The following PCDHGA3 variants were observed in gnomAD, a reference collection of about 807,000 sequenced individuals.
The protein encoded by PCDHGA3 is protocadherin gamma-A3.
In PCDHGA3, 40 loss-of-function variants were observed where a neutral mutation model predicts 58.5. The observed-to-expected ratio is 0.68, with a 90% CI of 0.53 to 0.89. PCDHGA3 has a LOEUF of 0.89. Among genes scored for constraint, PCDHGA3 ranks in the 40% least tolerant of loss-of-function variants. The pLI, the probability that PCDHGA3 is intolerant of heterozygous loss-of-function variation, is 0.00. For synonymous variants in PCDHGA3, 530 were observed against 525.7 expected (o/e 1.01, Z -0.11); for missense variants, 1,223 against 1,195.9 (o/e 1.02, Z -0.33).
At chr5:141,399,977 T>C (rs1166854292) in intron 1 of PCDHGA3, 1 of 1,612,262 alleles carries the variant, frequency 6.2e-7, no homozygotes, top group African/African-American at 1.3e-5. Flanking sequence ...AGCCTGGGGC[T>C]GCGCACAGGA....
intron 1 of PCDHGA3, chr5:141,351,135 C>T (rs1376583429): frequency 1.2e-6 from 2 of 1,613,920 alleles, no homozygotes; most frequent in Admixed American, 1.7e-5. Flanking sequence ...AATCTCAATC[C>T]AAATACTGGC....
chr5:141,376,351 G>A (rs1333788917), intron 1 of PCDHGA3: 4 of 1,614,178 alleles, frequency 2.5e-6, no homozygotes, highest in Non-Finnish European at 3.4e-6. Context: ...ATTCCCACGA[G>A]GTCTCACTCA....
chr5:141,448,896 G>C (rs560617459), intron 1 of PCDHGA3, among the ~76,000 whole-genome samples: 5 of 152,302 alleles, frequency 3.3e-5, no homozygotes, highest in African/African-American at 1.2e-4. Context: ...AGTGAGCCGA[G>C]ATCGTGCCAC....
At chr5:141,369,597 A>G (rs1199462765) in intron 1 of PCDHGA3, among the ~76,000 whole-genome samples, 1 of 152,230 alleles carries the variant, frequency 6.6e-6, no homozygotes, top group Non-Finnish European at 1.5e-5. Context: ...CTATACTTCT[A>G]TTTTATAAGG....
chr5:141,348,044 A>C (rs549365991), intron 1 of PCDHGA3, among the ~76,000 whole-genome samples: 172 of 152,324 alleles, frequency 1.1e-3, no homozygotes, highest in African/African-American at 4.0e-3. Context: ...AATGGAATAG[A>C]AGTCCCTTCT....
chr5:141,477,245 A>G lies in PCDHGA3; in HGVS notation c.2425-17562A>G. On this transcript the variant is annotated intron_variant, in intron 1 of 3. Transcript: ENST00000253812. The surrounding 1 kb of genome is among the most constrained non-coding windows in gnomAD (Gnocchi z 4.9). ...GACTGTCATCGCTTTGCTCAGTGTG[A>G]CTGACCTGGATGCTGGCGAGAACGG... 3.7e-6 allele frequency: 6 copies of G among 1,614,128 alleles called. No homozygotes were observed. The highest frequency in any genetic ancestry group is 5.1e-6 in the Non-Finnish European group (6 of 1,180,026).
intron 1 of PCDHGA3, among the ~76,000 whole-genome samples, chr5:141,405,666 C>T (rs752033736): frequency 3.3e-5 from 5 of 152,198 alleles, no homozygotes; most frequent in Admixed American, 6.5e-5. Flanking sequence ...TTAGTAGAGA[C>T]GGGGTGTCAC....
chr5:141,497,877 G>C (rs1057284578), intron 2 of PCDHGA3, among the ~76,000 whole-genome samples: 6 of 152,148 alleles, frequency 3.9e-5, no homozygotes, highest in Admixed American at 2.6e-4. Context: ...AGTGAAATAA[G>C]CGTTAGGATC....
chr5:141,424,401 G>A (rs1167861346), intron 1 of PCDHGA3: 1 of 151,844 alleles, frequency 6.6e-6, no homozygotes, highest in Non-Finnish European at 1.5e-5. Flanking sequence ...CCATTACTAT[G>A]GTGAAGTTAC....
intron 1 of PCDHGA3, among the ~76,000 whole-genome samples, chr5:141,433,995 CT>C (rs2097669147): frequency 2.6e-5 from 4 of 152,028 alleles, no homozygotes; most frequent in Admixed American, 2.0e-4. Flanking sequence ...GTTTTATATT[CT>C]CTATATATGT....
chr5:141,428,119 C>CCGGGCTTTTCAGCCTGGGGCTGCACA, intron 1 of PCDHGA3: 1 of 1,606,630 alleles, frequency 6.2e-7, no homozygotes, highest in Non-Finnish European at 8.5e-7. Context: ...GCCATCGAGC[C>CCGGGCTTTTCAGCCTGGGGCTGCACA]CGGGCTTTTC....
At chr5:141,365,714 A>T in intron 1 of PCDHGA3, 3 of 1,613,646 alleles carry the variant, frequency 1.9e-6, no homozygotes, top group Non-Finnish European at 2.5e-6. Context: ...CACCTCTGTC[A>T]CAGAAAACAA....
chr5:141,388,985 C>T, intron 1 of PCDHGA3: 1 of 1,613,958 alleles, frequency 6.2e-7, no homozygotes, highest in South Asian at 1.1e-5. Flanking sequence ...TTGCTTTGCT[C>T]AAAGTCCGTG....
In PCDHGA3 at chr5:141,344,587, T is replaced by A. The variant is rs749601680; in HGVS notation, c.554T>A (p.Val185Asp). The change falls in exon 1 of 4, where the codon GTC becomes GAC. Residue 185 changes from valine to aspartate, a missense_variant. Val to Asp is a radical substitution (Grantham distance 152, BLOSUM62 -3). This residue lies in a region of PCDHGA3 where 791 missense variants were observed against 708.5 expected (regional missense o/e 1.12). Coordinates refer to ENST00000253812, the MANE Select transcript of PCDHGA3 (RefSeq NM_018916.4). Reference protein sequence around the residue: ...NDYFSLAVNSVSEGAKYPELV... With the variant: ...NDYFSLAVNSDSEGAKYPELV... Reference sequence around the variant, plus strand: ...TACTTCTCTCTGGCTGTGAATAGCGTCTCTGAGGGGGCCAAGTATCCAGAG... The same window carrying A: ...TACTTCTCTCTGGCTGTGAATAGCGACTCTGAGGGGGCCAAGTATCCAGAG... 4 of 1,613,870 alleles carry A rather than the reference T, an allele frequency of 2.5e-6. No individual in the cohort carries two copies. The African/African-American group carries it at 5.3e-5, about 22-fold the overall frequency.
At chr5:141,400,539 T>C (rs1339848826) in intron 1 of PCDHGA3, 7 of 1,613,782 alleles carry the variant, frequency 4.3e-6, no homozygotes, top group African/African-American at 4.0e-5. Context: ...GTTTCATTTA[T>C]GTCTATTCTT....
At chr5:141,346,600 G>T in intron 1 of PCDHGA3, 143 bp downstream of exon 1, 1 of 1,285,240 alleles carries the variant, frequency 7.8e-7, no homozygotes, top group South Asian at 1.5e-5. Flanking sequence ...CTTTCTTTCT[G>T]GGCCTATAGT....
At chr5:141,506,566 T>C (rs909998933) in intron 3 of PCDHGA3, among the ~76,000 whole-genome samples, 33 of 152,022 alleles carry the variant, frequency 2.2e-4, no homozygotes, top group Non-Finnish European at 2.9e-5. Flanking sequence ...ACCCCCTCGG[T>C]TTCACTTACT....
chr5:141,413,806 A>C, intron 1 of PCDHGA3: 1 of 1,613,168 alleles, frequency 6.2e-7, no homozygotes. Flanking sequence ...GGAAGAGGCC[A>C]TTCACCACCT....
intron 1 of PCDHGA3, among the ~76,000 whole-genome samples, chr5:141,354,830 T>C (rs1759646674): frequency 6.6e-6 from 1 of 151,920 alleles, no homozygotes; most frequent in South Asian, 2.1e-4. Context: ...ACAGGAAGAC[T>C]TGGATCATTC....
Sources: gnomAD v4.1 joint callset for allele counts (sites outside exome capture counted in the v4.1 genomes callset) on GRCh38, gnomAD v4.1.1 for gene constraint, gnomAD v4.1.1 regional missense constraint, Gnocchi (gnomAD v3.1) non-coding constraint, MANE v1.5 for transcripts, NCBI Gene and HGNC (gene_info 2026-07-23, HGNC 2026-07-21) for gene names.